The following DOCK1 variants were observed in gnomAD, a reference collection of about 807,000 sequenced individuals.
DOCK1 encodes the protein dedicator of cytokinesis protein 1.
In DOCK1, 138 loss-of-function variants were observed where a neutral mutation model predicts 262.7. The observed-to-expected ratio is 0.53, with a 90% CI of 0.46 to 0.61. The LOEUF (loss-of-function observed/expected upper bound fraction) is 0.61. Among genes scored for constraint, DOCK1 ranks in the 20% least tolerant of loss-of-function variants. The probability of loss-of-function intolerance (pLI) is 0.00; values close to 1 mark genes in which losing one functional copy is unlikely to be tolerated. For synonymous variants in DOCK1, 866 were observed against 867.4 expected, an observed-to-expected ratio of 1.00 and a Z score of 0.03; for missense variants, 1,908 against 2,370.7, an observed-to-expected ratio of 0.80 and a Z score of 4.05.
At chr10:127,274,454 TAGG>T (rs1211233688) in intron 29 of DOCK1, among the ~76,000 whole-genome samples, 1 of 151,842 alleles carries the variant, frequency 6.6e-6, no homozygotes, top group Non-Finnish European at 1.5e-5. Context: ...GCACAGGGAG[TAGG>T]AGATTTGTGT....
intron 27 of DOCK1, among the ~76,000 whole-genome samples, chr10:127,226,143 T>A (rs1212474051): frequency 6.6e-6 from 1 of 151,924 alleles, no homozygotes; most frequent in Non-Finnish European, 1.5e-5. Context: ...TCACCCAAGT[T>A]GTTGGAGTTT....
intron 21 of DOCK1, among the ~76,000 whole-genome samples, chr10:127,047,346 A>G (rs1417543011): frequency 6.6e-6 from 1 of 152,208 alleles, no homozygotes; most frequent in Non-Finnish European, 1.5e-5. Flanking sequence ...CACATTACTC[A>G]AATGTTATAG....
At position 126,905,488 on chromosome 10, in the gene DOCK1, T is replaced by C; in HGVS notation, c.-30T>C. ...ATGGCGGCCTAGACGCGGAGTTTCC[T>C]GCCCGACCCGCGGCGGCTCCGGCGG... On this transcript the variant is annotated 5_prime_UTR_variant, in exon 1 of 52. Transcript: ENST00000623213. 1.9e-6 allele frequency: 1 copy of C among 516,136 alleles called. No individual in the cohort carries two copies. Among genetic ancestry groups the C allele is most frequent in the Non-Finnish European group, 3.6e-6 (1 of 278,668 alleles). 32.0% of individuals were successfully genotyped at this position (516,136 alleles called of 1,614,324 possible).
At chr10:127,414,931 G>C (rs926881908) in intron 43 of DOCK1, among the ~76,000 whole-genome samples, 8 of 152,176 alleles carry the variant, frequency 5.3e-5, no homozygotes, top group African/African-American at 1.9e-4. Flanking sequence ...GTTGGCTAGG[G>C]GACAGGGGAT....
Position 127,432,140 on chromosome 10 carries a change from C to T in DOCK1, c.4915-1143C>T, listed in dbSNP as rs77126047. On this transcript the variant is annotated intron_variant, in intron 47 of 51. Transcript: ENST00000623213. ...GTGGAAAAATTGTATTCCACGATAC[C>T]GGTTCCTGGTGCCAAAAAGGTTGGG... 6.1e-3 allele frequency among the ~76,000 whole-genome samples: 929 copies of T among 152,232 alleles called. 6 individuals carry two copies. The highest frequency in any genetic ancestry group is 0.018 in the South Asian group (86 of 4,824).
intron 1 of DOCK1, among the ~76,000 whole-genome samples, chr10:126,910,510 T>C (rs2031611966): frequency 6.6e-6 from 1 of 152,228 alleles, no homozygotes; most frequent in Non-Finnish European, 1.5e-5. Context: ...TTCCTCTCTG[T>C]ACTTTGTATT....
intron 32 of DOCK1, among the ~76,000 whole-genome samples, chr10:127,359,337 C>T (rs1342224812): frequency 2.6e-5 from 4 of 152,172 alleles, no homozygotes; most frequent in Non-Finnish European, 4.4e-5. Flanking sequence ...GTTTTGGTAG[C>T]TTCTTTTTCC....
At chr10:126,994,072 T>C (rs1457292152) in intron 6 of DOCK1, among the ~76,000 whole-genome samples, 1 of 152,240 alleles carries the variant, frequency 6.6e-6, no homozygotes, top group Non-Finnish European at 1.5e-5. Context: ...ATCGGCTTGT[T>C]AATTACAGGA....
rs569158653 is a variant in DOCK1, at chr10:127,413,255, A to G, written c.4429-1897A>G. Among the ~76,000 whole-genome samples the G allele has an allele frequency of 1.8e-3, 271 of 152,306 alleles. 1 individual carries two copies. Among genetic ancestry groups the G allele is most frequent in the African/African-American group, 6.2e-3 (259 of 41,566 alleles). On this transcript the variant is annotated intron_variant, in intron 43 of 51. Transcript: ENST00000623213. ...CCAGTTGGGTGCAGAGCTAAGAATA[A>G]CGAAGGCTCTTGACATTTTGAGCTA...
Position 127,362,221 on chromosome 10 carries a change from G to A in DOCK1, c.3432+9G>A, listed in dbSNP as rs747952482. 60 of 1,610,754 alleles carry A rather than the reference G, an allele frequency of 3.7e-5. No individual in the cohort carries two copies. In the South Asian group the frequency reaches 4.2e-4, roughly 11 times the overall value. ...CCCGAAGCTTCCAAATGGTAAGGAC[G>A]TAGATGTGCAGCGAGTGGCCGGGGG... On this transcript the variant is annotated intron_variant, in intron 33 of 51. Transcript: ENST00000623213.
At chr10:127,336,922 T>TGCAAC (rs2063228191) in intron 29 of DOCK1, among the ~76,000 whole-genome samples, 1 of 152,194 alleles carries the variant, frequency 6.6e-6, no homozygotes, top group South Asian at 2.1e-4. Flanking sequence ...AGCAGCATAT[T>TGCAAC]GCAACTGTTT....
At chr10:127,286,671 T>G (rs1402470617) in intron 29 of DOCK1, among the ~76,000 whole-genome samples, 1 of 152,170 alleles carries the variant, frequency 6.6e-6, no homozygotes, top group Non-Finnish European at 1.5e-5. Flanking sequence ...AATATTTCAG[T>G]TGTCATTCAA....
intron 12 of DOCK1, among the ~76,000 whole-genome samples, chr10:127,015,366 G>A (rs74956965): frequency 1.3e-5 from 2 of 151,220 alleles, no homozygotes; most frequent in Non-Finnish European, 3.0e-5. Flanking sequence ...CTCTGCCCCC[G>A]TCTCCCACCA....
intron 1 of DOCK1, among the ~76,000 whole-genome samples, chr10:126,961,591 T>C (rs36151480): frequency 0.26 from 38,807 of 152,146 alleles, 5,371 homozygotes; most frequent in East Asian, 0.57. Flanking sequence ...GGAATCGTAC[T>C]GTATTTGTCT....
At chr10:127,358,647 T>C (rs2064263134) in intron 32 of DOCK1, among the ~76,000 whole-genome samples, 1 of 152,200 alleles carries the variant, frequency 6.6e-6, no homozygotes, top group Non-Finnish European at 1.5e-5. Context: ...AGGGATTCCC[T>C]TCATGGGTGT....
At chr10:127,280,259 C>T (rs557962745) in intron 29 of DOCK1, among the ~76,000 whole-genome samples, 2 of 151,832 alleles carry the variant, frequency 1.3e-5, no homozygotes, top group South Asian at 4.1e-4. Context: ...TGGTCTCCAT[C>T]TCCTGACCTC....
Position 126,906,828 on chromosome 10 carries a change from G to C in DOCK1, c.46+1265G>C, listed in dbSNP as rs971697604. Among the ~76,000 whole-genome samples the C allele has an allele frequency of 1.4e-4, 22 of 152,294 alleles. 1 individual carries two copies. Among genetic ancestry groups the C allele is most frequent in the African/African-American group, 5.1e-4 (21 of 41,570 alleles). On this transcript the variant is annotated intron_variant, in intron 1 of 51. Coordinates refer to ENST00000623213, the MANE Select transcript of DOCK1 (RefSeq NM_001290223.2). ...ATGACTTACAGTATGCCCTGACCAC[G>C]GAGCCAGCTGGACAGTGGTCACGGG...
intron 29 of DOCK1, among the ~76,000 whole-genome samples, chr10:127,262,066 G>GTGTA: frequency 7.9e-6 from 1 of 126,042 alleles, no homozygotes; most frequent in African/African-American, 3.1e-5. Flanking sequence ...TCTTCTGTGT[G>GTGTA]TGTGCATGTG....
chr10:126,929,774 T>C (rs2034044530), intron 1 of DOCK1, among the ~76,000 whole-genome samples: 1 of 152,034 alleles, frequency 6.6e-6, no homozygotes, highest in South Asian at 2.1e-4. Flanking sequence ...TTGTTTAAGT[T>C]CATGAATCAG....
Sources: allele counts gnomAD v4.1 joint callset (sites outside exome capture counted in the v4.1 genomes callset), GRCh38; gene constraint gnomAD v4.1.1; transcripts MANE v1.5; gene names NCBI Gene and HGNC (gene_info 2026-07-23, HGNC 2026-07-21).